TYW1B: variants seen among roughly 807,000 people sequenced by gnomAD.
The protein encoded by TYW1B is tRNA-yW synthesizing protein 1 homolog B.
Under a neutral mutation model 86.9 loss-of-function variants are expected in TYW1B, and 73 were observed. That is an observed-to-expected ratio of 0.84 (90% CI 0.70 to 1.02). The LOEUF (loss-of-function observed/expected upper bound fraction) is 1.02, where lower values mean the gene tolerates loss of function less well. TYW1B is among the 50% of genes least tolerant of loss of function. The pLI, the probability that TYW1B is intolerant of heterozygous loss-of-function variation, is 0.00. For missense variants in TYW1B, 637 were observed against 827.4 expected, an observed-to-expected ratio of 0.77 and a Z score of 2.82; for synonymous variants, 248 against 292.8, an observed-to-expected ratio of 0.85 and a Z score of 1.56.
intron 10 of TYW1B, among the ~76,000 whole-genome samples, 165 bp downstream of exon 10, chr7:72,713,456 T>C (rs1786716854): frequency 1.3e-5 from 2 of 152,112 alleles, no homozygotes; most frequent in Admixed American, 1.3e-4. Flanking sequence ...TTGTGCCTAA[T>C]AGAACAGATT....
Position 72,828,169 on chromosome 7 carries a change from G to T in TYW1B, c.-94C>A. 6.3e-7 allele frequency: 1 copy of T among 1,585,690 alleles called. No individual in the cohort carries two copies. The highest frequency in any genetic ancestry group is 8.6e-7 in the Non-Finnish European group (1 of 1,165,506). On this transcript the variant is annotated 5_prime_UTR_variant, in exon 1 of 14. Coordinates refer to ENST00000620995, the MANE Select transcript of TYW1B (RefSeq NM_001145440.3). ...GAGACGCACCGAGCTACCTCGCGGC[G>T]TTAGCGCCGTACCGAGTGGCTGCAG... is the stretch of plus-strand genomic sequence containing the variant.
intron 10 of TYW1B, among the ~76,000 whole-genome samples, chr7:72,696,383 T>A (rs1814321638): frequency 6.6e-6 from 1 of 152,188 alleles, no homozygotes; most frequent in African/African-American, 2.4e-5. Context: ...CCCAATATTC[T>A]TTTTCTATAA....
At chr7:72,687,656 CA>C (rs1563059192) in intron 11 of TYW1B, among the ~76,000 whole-genome samples, 1 of 152,006 alleles carries the variant, frequency 6.6e-6, no homozygotes, top group East Asian at 1.9e-4. Context: ...ATATAAAGTT[CA>C]AAAACAAGCA....
Position 72,728,918 on chromosome 7 carries a change from G to A in TYW1B, c.1096C>T (p.Pro366Ser), listed in dbSNP as rs782145020. Residue 366 changes from proline to serine, a missense_variant, in exon 9 of 14, where the codon CCT (proline) becomes TCT (serine). Coordinates refer to ENST00000620995, the MANE Select transcript of TYW1B (RefSeq NM_001145440.3). ...CVFCWWHHNN[P>S]VGTEWLWKMD... ...TTCCACAACCATTCAGTGCCCACAG[G>A]GTTGTTGTGGTGCCTAGGAACAAGA... 2 of 1,613,836 alleles carry A rather than the reference G, an allele frequency of 1.2e-6. No homozygotes were observed. Among genetic ancestry groups the A allele is most frequent in the South Asian group, 1.1e-5 (1 of 90,994 alleles).
intron 10 of TYW1B, among the ~76,000 whole-genome samples, chr7:72,697,188 T>A (rs1251850172): frequency 6.6e-6 from 1 of 152,146 alleles, no homozygotes; most frequent in Non-Finnish European, 1.5e-5. Flanking sequence ...TACTTAAGAT[T>A]ATGAACAGTA....
At chr7:72,743,831 C>T (rs1314373909) in intron 8 of TYW1B, among the ~76,000 whole-genome samples, 4 of 138,210 alleles carry the variant, frequency 2.9e-5, no homozygotes, top group Non-Finnish European at 4.6e-5. Flanking sequence ...GCAACAAGAG[C>T]GAAACTCCAT....
Position 72,797,302 on chromosome 7 carries a change from T to C in TYW1B, c.846+5098A>G, listed in dbSNP as rs1554474623. ...TTGAGCTTAATCAACTGCCCAATGA[T>C]TTAACCCAATAGTGCTTGCATGATG... On this transcript the variant is annotated intron_variant, in intron 6 of 13. Transcript: ENST00000620995. Among the ~76,000 whole-genome samples the C allele has an allele frequency of 2.0e-5, 3 of 152,186 alleles. 1 individual carries two copies. Among genetic ancestry groups the C allele is most frequent in the East Asian group, 1.9e-4 (1 of 5,200 alleles).
intron 9 of TYW1B, among the ~76,000 whole-genome samples, chr7:72,723,641 G>C (rs1272009720): frequency 4.6e-5 from 7 of 152,110 alleles, no homozygotes; most frequent in Non-Finnish European, 1.0e-4. Flanking sequence ...GAGTTTGGTA[G>C]CATGTGCCTG....
At chr7:72,823,009 C>CTT (rs1291022098) in intron 2 of TYW1B, 354 of 143,546 alleles carry the variant, frequency 2.5e-3, no homozygotes, top group African/African-American at 6.4e-3. Context: ...TTCTTCTTTC[C>CTT]TTTTTTTTTT....
chr7:72,712,395 C>T (rs1244891141), intron 10 of TYW1B, among the ~76,000 whole-genome samples: 1 of 152,156 alleles, frequency 6.6e-6, no homozygotes, highest in African/African-American at 2.4e-5. Context: ...ATGGTGCGAT[C>T]TCGGCTCACC....
At chr7:72,580,351 C>T (rs1413717503) in intron 13 of TYW1B, among the ~76,000 whole-genome samples, 8 of 152,112 alleles carry the variant, frequency 5.3e-5, no homozygotes, top group African/African-American at 1.9e-4. Context: ...GGCATGAAAC[C>T]CCAAATCGTA....
rs1276092530 is a variant in TYW1B at position 72,627,499 on chromosome 7, AC to A, written c.1617+1387del. ...ACATAACATAACATAACATAACATA[AC>A]ATAACATAACATAAATAAAATAAAA... On this transcript the variant is annotated intron_variant, in intron 12 of 13. Coordinates refer to ENST00000620995, the MANE Select transcript of TYW1B (RefSeq NM_001145440.3). Among the ~76,000 whole-genome samples the A allele has an allele frequency of 2.6e-3, 390 of 150,142 alleles. 1 individual carries two copies. The Middle Eastern group carries it at 0.034, about 13-fold the overall frequency.
chr7:72,616,832 G>GT lies in TYW1B; in HGVS notation c.1624dup (p.Thr542AsnfsTer20). 1 of 1,614,168 alleles carries GT rather than the reference G, an allele frequency of 6.2e-7. No homozygotes were observed. Among genetic ancestry groups the GT allele is most frequent in the Non-Finnish European group, 8.5e-7 (1 of 1,180,026 alleles). On this transcript the variant is annotated frameshift_variant, in exon 13 of 14. Coordinates refer to ENST00000620995, the MANE Select transcript of TYW1B (RefSeq NM_001145440.3). LOFTEE classifies it high-confidence loss of function. ...GCTTGCTGAACTTTCTCTGCAGTAGGTAACGCCCTGTGGAAACAGTATAAC... is the reference window on the plus strand; with the variant it reads ...GCTTGCTGAACTTTCTCTGCAGTAGGTTAACGCCCTGTGGAAACAGTATAAC...
chr7:72,602,833 A>AACACACACACAC (rs55709140), intron 13 of TYW1B, among the ~76,000 whole-genome samples: 1,321 of 128,004 alleles, frequency 0.01, 10 homozygotes, highest in East Asian at 0.035. Context: ...AAGTGCTCAA[A>AACACACACACAC]ACACACACAC....
chr7:72,820,887 T>C (rs1255092015), intron 2 of TYW1B, among the ~76,000 whole-genome samples: 1 of 152,198 alleles, frequency 6.6e-6, no homozygotes, highest in Non-Finnish European at 1.5e-5. Flanking sequence ...GTCAAAGCTG[T>C]GAGAATCAAC....
intron 8 of TYW1B, among the ~76,000 whole-genome samples, chr7:72,737,022 C>T (rs1434167185): frequency 3.9e-5 from 6 of 152,084 alleles, no homozygotes; most frequent in African/African-American, 1.2e-4. Context: ...AGCGAGACTC[C>T]GTCTCAAAAG....
intron 8 of TYW1B, among the ~76,000 whole-genome samples, chr7:72,729,658 A>G (rs1430377452): frequency 6.6e-6 from 1 of 152,038 alleles, no homozygotes; most frequent in African/African-American, 2.4e-5. Flanking sequence ...CCCAAGACAG[A>G]CACAATGCCA....
intron 10 of TYW1B, among the ~76,000 whole-genome samples, chr7:72,712,503 T>C (rs1786689853): frequency 6.6e-6 from 1 of 152,230 alleles, no homozygotes; most frequent in East Asian, 1.9e-4. Context: ...TAATTTTGTA[T>C]TTTTAGTAGA....
chr7:72,702,607 G>A (rs1370468545), intron 10 of TYW1B, among the ~76,000 whole-genome samples: 1 of 151,912 alleles, frequency 6.6e-6, no homozygotes, highest in Non-Finnish European at 1.5e-5. Context: ...AGCTGGTCTT[G>A]AACTCCTGAC....
Sources: gnomAD v4.1 joint callset for allele counts (sites outside exome capture counted in the v4.1 genomes callset) on GRCh38, gnomAD v4.1.1 for gene constraint, MANE v1.5 for transcripts, NCBI Gene and HGNC (gene_info 2026-07-23, HGNC 2026-07-21) for gene names.